Variants in PSG7 observed in about 807,000 individuals in gnomAD.
PSG7 encodes pregnancy-specific beta-1-glycoprotein 7.
Under a neutral mutation model 45.6 loss-of-function variants are expected in PSG7, and 57 were observed. The ratio of observed to expected loss-of-function variants is 1.25; its 90% CI spans 1.01 to 1.56. PSG7 has a LOEUF of 1.56. Among genes scored for constraint, PSG7 ranks in the 40% most tolerant of loss-of-function variants. The pLI, the probability that PSG7 is intolerant of heterozygous loss-of-function variation, is 0.00. For missense variants in PSG7, 796 were observed against 508.4 expected (o/e 1.57, Z -5.44); for synonymous variants, 298 against 194.4 (o/e 1.53, Z -4.43).
chr19:42,935,450 A>C lies in PSG7; in HGVS notation c.384T>G (p.Gly128=). Residue 128 remains glycine (G), a synonymous_variant, in exon 2 of 6, where the codon GGT becomes GGG. Transcript: ENST00000406070. The stretch of plus-strand genomic sequence containing the variant: ...GTCCAGTTACTCCTCCAGTCCCATC[A>C]CCTCGCTTTATGATGTGTAAAGTGT... The part of the protein sequence containing the change: ...GSYTLHIIKR[G]DGTGGVTGRF... 1 of 1,611,962 alleles carries C rather than the reference A, an allele frequency of 6.2e-7. No individual in the cohort carries two copies. Among genetic ancestry groups the C allele is most frequent in the Non-Finnish European group, 8.5e-7 (1 of 1,178,982 alleles).
Position 42,937,048 on chromosome 19 carries a change from G to A in PSG7, c.29C>T (p.Thr10Ile), listed in dbSNP as rs772641423. Residue 10 changes from threonine to isoleucine, a missense_variant, in exon 1 of 6, where the codon ACA becomes ATA. By Grantham distance (89) the Thr-to-Ile change is moderately conservative. Transcript: ENST00000406070. The part of the protein sequence containing the change: MGPLSAPPC[T>I]QHITWKGLLL... ...GAGCCCTTTCCAGGTTATATGCTGT[G>A]TGCAGGGAGGGGCTGAGAGGGGCCC... 1 of 1,611,574 alleles carries A rather than the reference G, an allele frequency of 6.2e-7. No homozygotes were observed. The highest frequency in any genetic ancestry group is 1.7e-5 in the Admixed American group (1 of 59,864).
Position 42,929,567 on chromosome 19 carries a change from A to T in PSG7, c.584T>A (p.Leu195Gln), listed in dbSNP as rs757083003. The change falls in exon 3 of 6, where the codon CTG becomes CAG. Residue 195 changes from leucine to glutamine, a missense_variant. Transcript: ENST00000406070. Reference protein sequence around the residue: ...QSLPMTHSLQLSETNRTLYLF... With the variant: ...QSLPMTHSLQQSETNRTLYLF... ...GTAGAGGGTCCTGTTGGTTTCAGAC[A>T]GCTGCAAGCTGTGAGTCATAGGGAG... 1.9e-6 allele frequency: 3 copies of T among 1,612,498 alleles called. No homozygotes were observed. In the East Asian group the frequency reaches 6.7e-5, roughly 36 times the overall value.
rs1253922959 is a variant in PSG7 at position 42,925,138 on chromosome 19, A to G, written c.1244-314T>C. On this transcript the variant is annotated intron_variant, in intron 5 of 5. Transcript: ENST00000406070. The stretch of plus-strand genomic sequence containing the variant: ...ACTCTTGAGAATAGGAAGCCAAACC[A>G]AGGCTGACTTCAGAGTTTGCCTGCA... 36 of 420,134 alleles carry G rather than the reference A, an allele frequency of 8.6e-5. 1 individual carries two copies. The East Asian group carries it at 1.5e-3, about 18-fold the overall frequency. 26.0% of individuals were successfully genotyped at this position (420,134 alleles called of 1,614,324 possible).
chr19:42,929,206 C>A, intron 3 of PSG7: 2 of 963,630 alleles, frequency 2.1e-6, no homozygotes, highest in South Asian at 2.0e-5. Flanking sequence ...TCACCTGTTT[C>A]TTCCATCACA....
chr19:42,933,301 A>ATTT (rs1439847468), intron 2 of PSG7, among the ~76,000 whole-genome samples: 10 of 14,648 alleles, frequency 6.8e-4, no homozygotes, highest in Non-Finnish European at 1.5e-3. Flanking sequence ...ATATATATAT[A>ATTT]TATATATTTT....
At chr19:42,936,955 C>T in intron 1 of PSG7, 58 bp downstream of exon 1, 1 of 1,599,144 alleles carries the variant, frequency 6.3e-7, no homozygotes, top group Non-Finnish European at 8.6e-7. Context: ...CTCTAGGAGA[C>T]CCCATCCAGT....
chr19:42,928,491 A>G (rs1972943831), intron 3 of PSG7, among the ~76,000 whole-genome samples: 1 of 151,546 alleles, frequency 6.6e-6, no homozygotes, highest in Admixed American at 6.6e-5. Context: ...GGGTATAATC[A>G]TTTGACCTTT....
chr19:42,926,155 T>C, intron 4 of PSG7, 128 bp from the exon 5 acceptor site: 1 of 1,476,140 alleles, frequency 6.8e-7, no homozygotes. Flanking sequence ...ATCCCCTCTA[T>C]GTTCACTGAG....
chr19:42,925,256 A>C (rs777971304), intron 5 of PSG7: 7 of 304,864 alleles, frequency 2.3e-5, no homozygotes, highest in Non-Finnish European at 3.6e-5. Context: ...GTGTCCTGTT[A>C]CAAAGAGAGC....
rs574111842 is a variant in PSG7, at chr19:42,930,989, C to G, written c.431-1269G>C. Among the ~76,000 whole-genome samples the G allele has an allele frequency of 4.2e-4, 63 of 151,616 alleles. 1 individual carries two copies. Among genetic ancestry groups the G allele is most frequent in the Non-Finnish European group, 8.1e-4 (55 of 67,874 alleles). On this transcript the variant is annotated intron_variant, in intron 2 of 5. Transcript: ENST00000406070. ...ATCCCAAATCTGAAAAATTTAAAAT[C>G]CACAATGCGCCAGTGAGCACTTCTT...
intron 3 of PSG7, chr19:42,929,102 C>G: frequency 2.5e-6 from 1 of 392,358 alleles, no homozygotes; most frequent in South Asian, 4.6e-5. Context: ...AAATCCTGGT[C>G]TGTGGAAGGG....
intron 3 of PSG7, chr19:42,927,075 G>T (rs1041200490): frequency 1.5e-5 from 5 of 323,992 alleles, no homozygotes; most frequent in African/African-American, 1.0e-4. Flanking sequence ...CAACTGCTGG[G>T]CCCTTTCCAA....
chr19:42,925,078 T>C (rs2122668241), intron 5 of PSG7: 1 of 529,968 alleles, frequency 1.9e-6, no homozygotes, highest in Non-Finnish European at 3.3e-6. Context: ...TTGCTGTAAG[T>C]TTTTATAAGG....
At chr19:42,926,370 T>C in intron 4 of PSG7, 68 bp downstream of exon 4, 1 of 1,595,090 alleles carries the variant, frequency 6.3e-7, no homozygotes, top group South Asian at 1.1e-5. Flanking sequence ...AGGACTGGCC[T>C]CTGGTCGTTT....
Position 42,926,019 on chromosome 19 carries a change from C to G in PSG7, c.997G>C (p.Asp333His). 1.2e-6 allele frequency: 2 copies of G among 1,611,522 alleles called. No individual in the cohort carries two copies. The highest frequency in any genetic ancestry group is 1.1e-5 in the South Asian group (1 of 90,550). Residue 333 changes from aspartate to histidine, a missense_variant, in exon 5 of 6, where the codon GAC becomes CAC. Asp to His is a moderately conservative substitution (Grantham distance 81, BLOSUM62 -1). Transcript: ENST00000406070. Reference protein sequence around the residue: ...PVTLNVLYGPDLPRIYPSFTY... With the variant: ...PVTLNVLYGPHLPRIYPSFTY... ...AATGAAGGGTAAATTCTGGGGAGGT[C>G]TGGACCATCTGGAGGAAAGAGAATA...
chr19:42,935,683 C>A lies in PSG7; in HGVS notation c.151G>T (p.Val51Phe). 1.9e-6 allele frequency: 3 copies of A among 1,611,958 alleles called. No homozygotes were observed. The highest frequency in any genetic ancestry group is 1.7e-4 in the Middle Eastern group (1 of 6,060). The part of the protein sequence containing the change: ...QPPKVSEGKD[V>F]LLLVHNLPQN... ...GGCAAATTGTGGACAAGTAGAAGAA[C>A]ATCCTTCCCCTCGGAAACTTTTGGT... The change falls in exon 2 of 6, where the codon GTT becomes TTT. Residue 51 changes from valine to phenylalanine, a missense_variant. Physicochemically the swap from Val to Phe is conservative, Grantham distance 50. Transcript: ENST00000406070.
chr19:42,933,307 A>ATTTTTT lies in PSG7; in HGVS notation c.430+2091_430+2096dup, dbSNP rs397965905. Among the ~76,000 whole-genome samples the ATTTTTT allele has an allele frequency of 9.3e-3, 126 of 13,502 alleles. 15 individuals carry two copies. The highest frequency in any genetic ancestry group is 0.017 in the Non-Finnish European group (107 of 6,210). The allele number at this position is 13,502 out of a possible 152,430, so 8.9% of individuals were successfully genotyped here. On this transcript the variant is annotated intron_variant, in intron 2 of 5. Coordinates refer to ENST00000406070, the MANE Select transcript of PSG7 (RefSeq NM_002783.3). ...TATATATATATATATATATATATAT[A>ATTTTTT]TTTTTTTTTTTTTTTGGTGTATGTA...
chr19:42,933,628 C>G (rs1333400513), intron 2 of PSG7, among the ~76,000 whole-genome samples: 3 of 150,464 alleles, frequency 2.0e-5, no homozygotes, highest in African/African-American at 7.4e-5. Context: ...GAGGGAGTGT[C>G]TGCGGAAGGC....
chr19:42,933,985 TCTAAAGAG>T (rs2122695922), intron 2 of PSG7, among the ~76,000 whole-genome samples: 1 of 151,584 alleles, frequency 6.6e-6, no homozygotes, highest in East Asian at 1.9e-4. Context: ...AGATCCAGTC[TCTAAAGAG>T]GTTTTGGATC....
Sources: gnomAD v4.1 joint callset for allele counts (sites outside exome capture counted in the v4.1 genomes callset) on GRCh38, gnomAD v4.1.1 for gene constraint, MANE v1.5 for transcripts, NCBI Gene and HGNC (gene_info 2026-07-23, HGNC 2026-07-21) for gene names.